Variants in WNT2 observed in about 807,000 individuals in gnomAD.
The protein encoded by WNT2 is Wnt family member 2, also known as protein Wnt-2.
A neutral mutation model predicts 36.9 loss-of-function variants in WNT2; 12 were observed. The observed-to-expected ratio is 0.33, with a 90% CI of 0.21 to 0.53. WNT2 has a LOEUF of 0.53. WNT2 is among the 20% of genes least tolerant of loss of function. The pLI is 0.95. For missense variants in WNT2, 379 were observed against 473.1 expected (o/e 0.80, Z 1.84); for synonymous variants, 163 against 174.6 (o/e 0.93, Z 0.52).
At chr7:117,313,848 T>C (rs577548897) in intron 3 of WNT2, among the ~76,000 whole-genome samples, 25 of 152,300 alleles carry the variant, frequency 1.6e-4, no homozygotes, top group African/African-American at 6.0e-4. Context: ...TCATGAAAAT[T>C]AGGAATGTTG....
rs186496660 is a variant in WNT2, at chr7:117,314,848, T to C, written c.588+223A>G. ...TCAACACAATGCCAAACACAATGGG[T>C]GGACTCCTTCAACTAGCTATAGGAA... is the stretch of plus-strand genomic sequence containing the variant. On this transcript the variant is annotated intron_variant, in intron 3 of 4. Coordinates refer to ENST00000265441, the MANE Select transcript of WNT2 (RefSeq NM_003391.3). 5.9e-5 allele frequency among the ~76,000 whole-genome samples: 9 copies of C among 152,218 alleles called. No homozygotes were observed. In the East Asian group the frequency reaches 1.2e-3, roughly 20 times the overall value.
intron 3 of WNT2, among the ~76,000 whole-genome samples, chr7:117,308,826 C>T (rs1370186269): frequency 6.6e-6 from 1 of 152,096 alleles, no homozygotes. Context: ...TGCCCCAGTT[C>T]TCTTAGGTCA....
rs1261372491 is a variant in WNT2, at chr7:117,277,167, C to G, written c.*988G>C. 7.7e-6 allele frequency: 1 copy of G among 129,254 alleles called. No homozygotes were observed. Among genetic ancestry groups the G allele is most frequent in the African/African-American group, 3.1e-5 (1 of 32,750 alleles). 8.0% of individuals were successfully genotyped at this position (129,254 alleles called of 1,614,324 possible). ...GCATTTTAGTTCACCAATCTTGTAT[C>G]CCCAAAATTTTCATCCTTCAAGTCT... On this transcript the variant is annotated 3_prime_UTR_variant, in exon 5 of 5. Coordinates refer to ENST00000265441, the MANE Select transcript of WNT2 (RefSeq NM_003391.3).
At chr7:117,315,991 C>T (rs1795210505) in intron 2 of WNT2, among the ~76,000 whole-genome samples, 1 of 152,212 alleles carries the variant, frequency 6.6e-6, no homozygotes, top group Non-Finnish European at 1.5e-5. Flanking sequence ...TTGCTGAAGG[C>T]AGTATGCAAT....
At chr7:117,318,900 C>T (rs566580606) in intron 2 of WNT2, among the ~76,000 whole-genome samples, 2 of 152,272 alleles carry the variant, frequency 1.3e-5, no homozygotes, top group African/African-American at 4.8e-5. Context: ...ATAAATGAAT[C>T]CCCAGCTTTG....
Position 117,323,036 on chromosome 7 carries a change from C to T in WNT2, c.-47G>A, listed in dbSNP as rs1443469360. ...TCAGGTCAGACTCCGTGTGCGGGCG[C>T]CATGCGTGCCCAGAGCAGAAGCGCT... On this transcript the variant is annotated 5_prime_UTR_variant, in exon 1 of 5. Transcript: ENST00000265441. 2 of 1,538,164 alleles carry T rather than the reference C, an allele frequency of 1.3e-6. No homozygotes were observed. The highest frequency in any genetic ancestry group is 2.4e-5 in the South Asian group (2 of 83,494).
chr7:117,282,072 A>T (rs1794499066), intron 4 of WNT2, among the ~76,000 whole-genome samples: 2 of 152,214 alleles, frequency 1.3e-5, no homozygotes, highest in African/African-American at 4.8e-5. Flanking sequence ...AGATATCTGC[A>T]CAAGGTTTTC....
At chr7:117,298,817 C>T (rs752502303) in intron 3 of WNT2, among the ~76,000 whole-genome samples, 160 of 152,184 alleles carry the variant, frequency 1.1e-3, no homozygotes, top group Non-Finnish European at 1.8e-3. Flanking sequence ...CTGGTCCTCA[C>T]AACAACTTTG....
Position 117,278,343 on chromosome 7 carries a change from G to A in WNT2, c.895C>T (p.Arg299Trp), listed in dbSNP as rs148046128. The A allele has an allele frequency of 1.1e-3, 1,737 of 1,614,080 alleles. 1 individual carries two copies. Among genetic ancestry groups the A allele is most frequent in the Non-Finnish European group, 1.3e-3 (1,500 of 1,179,998 alleles). Residue 299 changes from arginine to tryptophan, a missense_variant, in exon 5 of 5, where the codon CGG becomes TGG. Arg to Trp is a moderately radical substitution (Grantham distance 101). Coordinates refer to ENST00000265441, the MANE Select transcript of WNT2 (RefSeq NM_003391.3). ...ATGACTTCACAGCTGTCCATGCCCC[G>A]GGAAGTCAGGTTGCACACACGGCCT... ...TAGRVCNLTS[R>W]GMDSCEVMCC...
intron 3 of WNT2, among the ~76,000 whole-genome samples, chr7:117,301,633 G>A (rs1180268991): frequency 2.0e-5 from 3 of 152,148 alleles, no homozygotes; most frequent in African/African-American, 7.2e-5. Flanking sequence ...GCTCTGCGAG[G>A]AAAGGAAAAT....
intron 4 of WNT2, among the ~76,000 whole-genome samples, chr7:117,293,282 C>A (rs1287114196): frequency 6.6e-6 from 1 of 152,180 alleles, no homozygotes; most frequent in Non-Finnish European, 1.5e-5. Flanking sequence ...CAGCTCACAT[C>A]AGTCAACAAG....
At chr7:117,299,290 C>G (rs1794856279) in intron 3 of WNT2, among the ~76,000 whole-genome samples, 1 of 152,224 alleles carries the variant, frequency 6.6e-6, no homozygotes, top group African/African-American at 2.4e-5. Flanking sequence ...CCATGTGGCT[C>G]TCACCTGTCC....
At chr7:117,301,692 A>C (rs1563202878) in intron 3 of WNT2, among the ~76,000 whole-genome samples, 1 of 152,008 alleles carries the variant, frequency 6.6e-6, no homozygotes, top group Non-Finnish European at 1.5e-5. Flanking sequence ...TGAATCTCAG[A>C]TGTGTGCTAT....
At chr7:117,280,042 G>C (rs1255791463) in intron 4 of WNT2, among the ~76,000 whole-genome samples, 1 of 152,052 alleles carries the variant, frequency 6.6e-6, no homozygotes, top group Non-Finnish European at 1.5e-5. Context: ...GTTCAAGCAG[G>C]GCACGGGGTC....
rs144986283 is a variant in WNT2 at position 117,286,098 on chromosome 7, G to A, written c.854-7714C>T. 7.5e-3 allele frequency among the ~76,000 whole-genome samples: 1,141 copies of A among 152,200 alleles called. 15 individuals are homozygous for A. The highest frequency in any genetic ancestry group is 0.026 in the African/African-American group (1,066 of 41,530). On this transcript the variant is annotated intron_variant, in intron 4 of 4. Coordinates refer to ENST00000265441, the MANE Select transcript of WNT2 (RefSeq NM_003391.3). ...CCCATATGTGTTGTCATCCTGACTC[G>A]CACAAGAGCTCACAAATGCATAAGA... is the stretch of plus-strand genomic sequence containing the variant.
At position 117,284,389 on chromosome 7, in the gene WNT2, C is replaced by T. The variant is rs1196522724; in HGVS notation, c.854-6005G>A. ...GTGTGTGTGTTTTAATGAAAAGGAG[C>T]CACTGACTTTTACCAACTGCCTATT... On this transcript the variant is annotated intron_variant, in intron 4 of 4. Transcript: ENST00000265441. This position sits in a 1 kb window ranked among gnomAD's most constrained non-coding sequence, Gnocchi z 5.2. 6.6e-6 allele frequency among the ~76,000 whole-genome samples: 1 copy of T among 152,112 alleles called. No homozygotes were observed. Among genetic ancestry groups the T allele is most frequent in the Non-Finnish European group, 1.5e-5 (1 of 68,012 alleles).
In WNT2 at chr7:117,320,678, G is replaced by C; in HGVS notation, c.199C>G (p.Gln67Glu). 6.2e-7 allele frequency: 1 copy of C among 1,613,946 alleles called. No individual in the cohort carries two copies. The highest frequency in any genetic ancestry group is 8.5e-7 in the Non-Finnish European group (1 of 1,179,950). The change falls in exon 2 of 5, where the codon CAG becomes GAG. Residue 67 changes from glutamine to glutamate, a missense_variant. Gln to Glu is a conservative substitution (Grantham distance 29). Coordinates refer to ENST00000265441, the MANE Select transcript of WNT2 (RefSeq NM_003391.3). ...TCTGCTGTCCACTCGGCCACGCCCT[G>C]GCTAATGGCACGCATCACATCTGGA... ...RHPDVMRAIS[Q>E]GVAEWTAECQ...
chr7:117,296,430 TCTAA>T (rs1554459240), intron 4 of WNT2, among the ~76,000 whole-genome samples: 1 of 152,156 alleles, frequency 6.6e-6, no homozygotes, highest in Non-Finnish European at 1.5e-5. Flanking sequence ...TCTTGGTCAA[TCTAA>T]CTGACAGCTG....
At position 117,319,313 on chromosome 7, in the gene WNT2, C is replaced by A. The variant is rs1045271984; in HGVS notation, c.310+1254G>T. Among the ~76,000 whole-genome samples, 14 of 152,164 alleles carry A rather than the reference C, an allele frequency of 9.2e-5. No individual in the cohort carries two copies. In the Middle Eastern group the frequency reaches 0.01, roughly 111 times the overall value. On this transcript the variant is annotated intron_variant, in intron 2 of 4. Transcript: ENST00000265441. ...AAAAGGAATGCAGAAGAATATAGTT[C>A]TTAAACTAGAGAATAAAATTGCAGA...
Sources: allele counts gnomAD v4.1 joint callset (sites outside exome capture counted in the v4.1 genomes callset), GRCh38; gene constraint gnomAD v4.1.1; non-coding constraint Gnocchi (gnomAD v3.1); transcripts MANE v1.5; gene names NCBI Gene and HGNC (gene_info 2026-07-23, HGNC 2026-07-21).